Variants in TUBD1 observed in about 807,000 individuals in gnomAD.
The protein encoded by TUBD1 is tubulin delta chain.
TUBD1 carries 38 observed loss-of-function variants against 51.2 expected under a neutral mutation model. The ratio of observed to expected loss-of-function variants is 0.74; its 90% CI spans 0.57 to 0.97. The LOEUF (loss-of-function observed/expected upper bound fraction) is 0.97, where lower values mean the gene tolerates loss of function less well. Ranked by LOEUF, TUBD1 falls within the 50% of genes least tolerant of loss-of-function variation. The probability of loss-of-function intolerance (pLI) is 0.00; values close to 1 mark genes in which losing one functional copy is unlikely to be tolerated. For synonymous variants in TUBD1, 169 were observed against 178.2 expected, an observed-to-expected ratio of 0.95 and a Z score of 0.41; for missense variants, 489 against 538.4, an observed-to-expected ratio of 0.91 and a Z score of 0.91.
intron 8 of TUBD1, among the ~76,000 whole-genome samples, chr17:59,861,160 C>G (rs1284354717): frequency 6.6e-6 from 1 of 150,948 alleles, no homozygotes; most frequent in Non-Finnish European, 1.5e-5. Flanking sequence ...GTAGTTATGC[C>G]AGGGTGGTCC....
intron 2 of TUBD1, among the ~76,000 whole-genome samples, chr17:59,888,126 G>A (rs565977493): frequency 4.6e-5 from 7 of 152,134 alleles, no homozygotes; most frequent in South Asian, 4.2e-4. Context: ...TAGTAGAGAC[G>A]GGATTTTACT....
chr17:59,869,197 CG>C (rs1251886898), intron 6 of TUBD1, among the ~76,000 whole-genome samples: 3 of 151,726 alleles, frequency 2.0e-5, no homozygotes, highest in African/African-American at 7.3e-5. Flanking sequence ...GACACCCGGC[CG>C]GGCATGGTGG....
intron 6 of TUBD1, among the ~76,000 whole-genome samples, chr17:59,870,921 G>A (rs1168177473): frequency 2.0e-5 from 3 of 152,164 alleles, no homozygotes; most frequent in African/African-American, 4.8e-5. Flanking sequence ...AAACCAAATA[G>A]ATTAAATAAA....
At chr17:59,886,341 C>A in intron 2 of TUBD1, 111 bp from the exon 3 acceptor site, 2 of 988,546 alleles carry the variant, frequency 2.0e-6, no homozygotes, top group South Asian at 1.8e-5. Context: ...AAAAAAAATT[C>A]CAGGGGTTGT....
chr17:59,877,911 C>A (rs2040299508), intron 5 of TUBD1, among the ~76,000 whole-genome samples, 192 bp downstream of exon 5: 2 of 151,812 alleles, frequency 1.3e-5, no homozygotes, highest in East Asian at 1.9e-4. Context: ...GCAGTGGATA[C>A]CCACTGCCCT....
Position 59,890,853 on chromosome 17 carries a change from G to T in TUBD1, c.150C>A (p.Phe50Leu). The T allele has an allele frequency of 6.2e-7, 1 of 1,613,338 alleles. No individual in the cohort carries two copies. Among genetic ancestry groups the T allele is most frequent in the Non-Finnish European group, 8.5e-7 (1 of 1,179,656 alleles). ...EAYQASCKER[F>L]FSEEENGVPI... ...TACCTCCATTCTCCTCCTCACTGAA[G>T]AATCTTTCTTTGCAAGATGCTTGAT... Residue 50 changes from phenylalanine to leucine, a missense_variant, in exon 2 of 9, where the codon TTC becomes TTA. Phe to Leu is a conservative substitution (Grantham distance 22). Transcript: ENST00000325752.
At chr17:59,860,589 T>C (rs910735343) in intron 8 of TUBD1, among the ~76,000 whole-genome samples, 165 bp from the exon 9 acceptor site, 1 of 151,900 alleles carries the variant, frequency 6.6e-6, no homozygotes, top group Non-Finnish European at 1.5e-5. Context: ...ATTAGTGAAC[T>C]TTCTTTTTTT....
At position 59,863,757 on chromosome 17, in the gene TUBD1, T is replaced by A. The variant is rs151227998; in HGVS notation, c.1166A>T (p.Tyr389Phe). 2 of 1,611,486 alleles carry A rather than the reference T, an allele frequency of 1.2e-6. No homozygotes were observed. Among genetic ancestry groups the A allele is most frequent in the Non-Finnish European group, 1.7e-6 (2 of 1,179,204 alleles). ...GCTGACCAACACTGCAGACTTCTCA[T>A]ATTTGCTAAAGGCCCGCTGGGTTTT... ...VWKTQRAFSK[Y>F]EKSAVLVSNS... The change falls in exon 8 of 9, where the codon TAT (tyrosine) becomes TTT (phenylalanine). Residue 389 changes from tyrosine (Y) to phenylalanine (F), a missense_variant. By Grantham distance (22) the Tyr-to-Phe change is conservative (BLOSUM62 3). Coordinates refer to ENST00000325752, the MANE Select transcript of TUBD1 (RefSeq NM_016261.4).
chr17:59,884,811 T>G (rs2040645896), intron 3 of TUBD1: 1 of 162,536 alleles, frequency 6.2e-6, no homozygotes, highest in African/African-American at 2.4e-5. Context: ...TAGTCTCAGT[T>G]ACTCAGAAGG....
chr17:59,878,059 G>T, intron 5 of TUBD1, 44 bp downstream of exon 5: 1 of 1,499,720 alleles, frequency 6.7e-7, no homozygotes, highest in Non-Finnish European at 9.2e-7. Flanking sequence ...GAAGCTTTCA[G>T]AACATAAGGC....
At chr17:59,862,192 G>A (rs1457071865) in intron 8 of TUBD1, among the ~76,000 whole-genome samples, 2 of 151,358 alleles carry the variant, frequency 1.3e-5, no homozygotes, top group African/African-American at 2.4e-5. Flanking sequence ...GTGTAGTGGT[G>A]CATGCCTGTA....
chr17:59,883,159 A>G (rs1423667258), intron 3 of TUBD1, among the ~76,000 whole-genome samples: 1 of 146,660 alleles, frequency 6.8e-6, no homozygotes, highest in East Asian at 2.1e-4. Context: ...GCCGTGGCAC[A>G]ATCTCGGCTC....
At chr17:59,883,306 G>C (rs954164294) in intron 3 of TUBD1, among the ~76,000 whole-genome samples, 1 of 150,054 alleles carries the variant, frequency 6.7e-6, no homozygotes, top group Non-Finnish European at 1.5e-5. Flanking sequence ...TTTTGTTCTT[G>C]TTGCCCAGGC....
At chr17:59,880,835 A>G (rs1403890729) in intron 4 of TUBD1, 59 bp downstream of exon 4, 5 of 1,506,210 alleles carry the variant, frequency 3.3e-6, no homozygotes, top group Non-Finnish European at 4.6e-6. Context: ...TCTTTTACCC[A>G]TATTTATTTC....
rs1407197083 is a variant in TUBD1 at position 59,859,782 on chromosome 17, C to A, written c.*540G>T. 1 of 152,242 alleles carries A rather than the reference C, an allele frequency of 6.6e-6. No homozygotes were observed. The highest frequency in any genetic ancestry group is 1.5e-5 in the Non-Finnish European group (1 of 68,026). The allele number at this position is 152,242 out of a possible 1,614,324, so 9.4% of individuals were successfully genotyped here. On this transcript the variant is annotated 3_prime_UTR_variant, in exon 9 of 9. Transcript: ENST00000325752. ...GGAACATGTAGACAAAGAGAATATT[C>A]TCTTTTCTTGGCTAGTTCCAGAGTC...
At chr17:59,884,455 A>G (rs1412248034) in intron 3 of TUBD1, among the ~76,000 whole-genome samples, 1 of 151,774 alleles carries the variant, frequency 6.6e-6, no homozygotes, top group Non-Finnish European at 1.5e-5. Context: ...TCTACTAAAA[A>G]ATACAAAAAT....
intron 6 of TUBD1, among the ~76,000 whole-genome samples, chr17:59,873,090 C>T (rs774736874): frequency 5.3e-5 from 8 of 151,686 alleles, no homozygotes; most frequent in African/African-American, 7.3e-5. Flanking sequence ...ACTAGGAATG[C>T]AAGAGATAAC....
chr17:59,861,346 G>GTA (rs1267730552), intron 8 of TUBD1, among the ~76,000 whole-genome samples: 1 of 151,102 alleles, frequency 6.6e-6, no homozygotes, highest in Non-Finnish European at 1.5e-5. Flanking sequence ...TTACAGGTGC[G>GTA]TACCACCACA....
In TUBD1 at chr17:59,892,907, A is replaced by T; in HGVS notation, c.-250T>A. The T allele has an allele frequency of 2.2e-6, 1 of 464,108 alleles. No homozygotes were observed. The highest frequency in any genetic ancestry group is 3.9e-6 in the Non-Finnish European group (1 of 254,964). 28.7% of individuals were successfully genotyped at this position (464,108 alleles called of 1,614,324 possible). On this transcript the variant is annotated 5_prime_UTR_variant, in exon 1 of 9. An upstream start codon of the reference 5' UTR is lost. Transcript: ENST00000325752. ...TTTACGAACTTCAGATATGGTACGC[A>T]TGCTCACTGTCCACCGAACGCTCCA...
Sources: gnomAD v4.1 joint callset for allele counts (sites outside exome capture counted in the v4.1 genomes callset) on GRCh38, gnomAD v4.1.1 for gene constraint, MANE v1.5 for transcripts, NCBI Gene and HGNC (gene_info 2026-07-23, HGNC 2026-07-21) for gene names.